The following SPATA6 variants were observed in gnomAD, a reference collection of about 807,000 sequenced individuals.
The protein encoded by SPATA6 is spermatogenesis-associated protein 6.
Under a neutral mutation model 65.3 loss-of-function variants are expected in SPATA6, and 56 were observed. The ratio of observed to expected loss-of-function variants is 0.86; its 90% CI spans 0.69 to 1.07. SPATA6 has a LOEUF of 1.07. Ranked by LOEUF, SPATA6 falls within the 50% of genes least tolerant of loss-of-function variation. SPATA6 has a pLI of 0.00. For synonymous variants in SPATA6, 199 were observed against 213.2 expected (o/e 0.93, Z 0.58); for missense variants, 590 against 594.8 (o/e 0.99, Z 0.08).
the SPATA6 span, among the ~76,000 whole-genome samples, chr1:48,270,576 A>G: frequency 1.3e-5 from 2 of 152,096 alleles, no homozygotes; most frequent in East Asian, 3.8e-4. Flanking sequence ...GAGATTACAC[A>G]TACCTACCCC....
At position 48,379,477 on chromosome 1, in the gene SPATA6, G is replaced by A. The variant is rs114169902; in HGVS notation, c.909+5832C>T. 3.0e-3 allele frequency among the ~76,000 whole-genome samples: 462 copies of A among 152,260 alleles called. 1 individual carries two copies. The highest frequency in any genetic ancestry group is 5.9e-3 in the Non-Finnish European group (402 of 68,014). ...GTTGCCAGGGGGACATTGGGGTATG[G>A]TGGGCAGAATGCAGAGATGTTGGTC... is the stretch of plus-strand genomic sequence containing the variant. On this transcript the variant is annotated intron_variant, in intron 9 of 12. Coordinates refer to ENST00000371847, the MANE Select transcript of SPATA6 (RefSeq NM_019073.4).
chr1:48,461,723 A>G (rs9699482), intron 1 of SPATA6, among the ~76,000 whole-genome samples: 151,033 of 152,258 alleles, frequency 0.99, 74,922 homozygotes, highest in East Asian at 1. Context: ...TGGAGAAATA[A>G]GAACACTTTT....
chr1:48,317,304 T>A (rs963459179), intron 11 of SPATA6, among the ~76,000 whole-genome samples: 44 of 152,264 alleles, frequency 2.9e-4, no homozygotes, highest in Admixed American at 1.8e-3. Context: ...TAGACTGGAT[T>A]AAGAAAATGT....
At chr1:48,281,214 C>T in the SPATA6 span, among the ~76,000 whole-genome samples, 1 of 151,836 alleles carries the variant, frequency 6.6e-6, no homozygotes, top group Non-Finnish European at 1.5e-5. Flanking sequence ...ATGACAAACC[C>T]ACAGCCAATA....
At chr1:48,382,634 C>CCCA (rs1648835598) in intron 9 of SPATA6, among the ~76,000 whole-genome samples, 2 of 61,626 alleles carry the variant, frequency 3.2e-5, no homozygotes, top group Non-Finnish European at 7.6e-5. Context: ...GGCCGACCCC[C>CCCA]CCCCCCCCGC....
downstream of SPATA6, among the ~76,000 whole-genome samples, chr1:48,294,373 G>T (rs964458102): frequency 6.6e-6 from 1 of 152,088 alleles, no homozygotes; most frequent in Admixed American, 6.6e-5. Flanking sequence ...CACTGCATCC[G>T]GCTGTCTATC....
chr1:48,448,193 A>G (rs762362444), intron 3 of SPATA6, among the ~76,000 whole-genome samples: 3 of 151,206 alleles, frequency 2.0e-5, no homozygotes, highest in Non-Finnish European at 4.4e-5. Flanking sequence ...CCTAGGATGT[A>G]GAGGCTGCAG....
intron 1 of SPATA6, among the ~76,000 whole-genome samples, chr1:48,465,717 A>G (rs1657758563): frequency 6.6e-6 from 1 of 152,130 alleles, no homozygotes; most frequent in African/African-American, 2.4e-5. Flanking sequence ...GAGATGATAA[A>G]CATCCCACAC....
rs1656732302 is a variant in SPATA6, at chr1:48,453,178, T to G, written c.52-47A>C. Reference sequence around the variant, plus strand: ...GGATGTAACTGCTTTATAAATTCCCTGAACTATCCTACTAAAATAACTTAT... The same window carrying G: ...GGATGTAACTGCTTTATAAATTCCCGGAACTATCCTACTAAAATAACTTAT... On this transcript the variant is annotated intron_variant, in intron 1 of 12. Coordinates refer to ENST00000371847, the MANE Select transcript of SPATA6 (RefSeq NM_019073.4). 4 of 1,563,608 alleles carry G rather than the reference T, an allele frequency of 2.6e-6. No homozygotes were observed. The East Asian group carries it at 9.1e-5, about 36-fold the overall frequency.
the SPATA6 span, among the ~76,000 whole-genome samples, chr1:48,286,223 G>A: frequency 6.6e-5 from 10 of 151,772 alleles, no homozygotes; most frequent in Non-Finnish European, 1.2e-4. Context: ...AATGCCATTG[G>A]GATTTTGATA....
Position 48,306,515 on chromosome 1 carries a change from T to G in SPATA6, c.1195-637A>C, listed in dbSNP as rs954735050. 2.6e-5 allele frequency among the ~76,000 whole-genome samples: 4 copies of G among 151,998 alleles called. No individual in the cohort carries two copies. In the East Asian group the frequency reaches 7.7e-4, roughly 29 times the overall value. On this transcript the variant is annotated intron_variant, in intron 11 of 12. Transcript: ENST00000371847. ...GAGATGGCTTTGTTAACTATATCATTCACAGTTAAATTCATATGTGTGGTA... is the reference window on the plus strand; with the variant it reads ...GAGATGGCTTTGTTAACTATATCATGCACAGTTAAATTCATATGTGTGGTA...
chr1:48,273,015 A>G, the SPATA6 span, among the ~76,000 whole-genome samples: 2 of 151,994 alleles, frequency 1.3e-5, no homozygotes, highest in Non-Finnish European at 2.9e-5. Context: ...TTAGGATTTA[A>G]CCCCTTATTG....
chr1:48,284,388 C>T, the SPATA6 span, among the ~76,000 whole-genome samples: 162 of 152,132 alleles, frequency 1.1e-3, no homozygotes, highest in African/African-American at 3.7e-3. Flanking sequence ...TCCTTTAGTT[C>T]GAAGGAGTTT....
chr1:48,400,937 C>T (rs1570455747), intron 6 of SPATA6: 2 of 619,520 alleles, frequency 3.2e-6, no homozygotes, highest in African/African-American at 4.0e-5. Context: ...CAAAGAATGT[C>T]AGCACTAGAA....
intron 3 of SPATA6, chr1:48,437,118 G>A: frequency 6.3e-7 from 1 of 1,598,384 alleles, no homozygotes; most frequent in Middle Eastern, 1.7e-4. Flanking sequence ...TTTCACGGTT[G>A]CCTCCTGCTT....
downstream of SPATA6, among the ~76,000 whole-genome samples, chr1:48,291,295 CAGG>C (rs1644765590): frequency 6.6e-6 from 1 of 152,112 alleles, no homozygotes; most frequent in Non-Finnish European, 1.5e-5. Flanking sequence ...ATAGAGCTCC[CAGG>C]AGATTATGTC....
chr1:48,410,693 G>A (rs953852616), intron 5 of SPATA6, among the ~76,000 whole-genome samples: 9 of 152,190 alleles, frequency 5.9e-5, no homozygotes, highest in African/African-American at 1.7e-4. Context: ...CATGGCAGCA[G>A]GCGAGAGAGA....
At chr1:48,370,155 A>C (rs1326362991) in intron 9 of SPATA6, among the ~76,000 whole-genome samples, 1 of 152,242 alleles carries the variant, frequency 6.6e-6, no homozygotes, top group African/African-American at 2.4e-5. Flanking sequence ...GGGAACTAGA[A>C]AATTCAGTTA....
intron 3 of SPATA6, among the ~76,000 whole-genome samples, 188 bp downstream of exon 3, chr1:48,451,364 G>C (rs915122654): frequency 6.6e-6 from 1 of 152,082 alleles, no homozygotes; most frequent in African/African-American, 2.4e-5. Context: ...CCTCTCTGCA[G>C]CATATATATC....
Sources: gnomAD v4.1 joint callset for allele counts (sites outside exome capture counted in the v4.1 genomes callset) on GRCh38, gnomAD v4.1.1 for gene constraint, MANE v1.5 for transcripts, NCBI Gene and HGNC (gene_info 2026-07-23, HGNC 2026-07-21) for gene names.